Variants in SCEL observed in about 807,000 individuals in gnomAD.
SCEL encodes the protein sciellin.
SCEL carries 113 observed loss-of-function variants against 117.6 expected under a neutral mutation model. That is an observed-to-expected ratio of 0.96 (90% CI 0.83 to 1.12). The LOEUF (loss-of-function observed/expected upper bound fraction) is 1.12, where lower values mean the gene tolerates loss of function less well. Ranked by LOEUF, SCEL falls within the 50% of genes most tolerant of loss-of-function variation. The pLI is 0.00. For synonymous variants in SCEL, 270 were observed against 256.2 expected, an observed-to-expected ratio of 1.05 and a Z score of -0.51; for missense variants, 785 against 810.8, an observed-to-expected ratio of 0.97 and a Z score of 0.39.
intron 2 of SCEL, among the ~76,000 whole-genome samples, 193 bp from the exon 3 acceptor site, chr13:77,556,403 T>C (rs1014431755): frequency 6.6e-6 from 1 of 152,200 alleles, no homozygotes; most frequent in Admixed American, 6.5e-5. Flanking sequence ...AGCAACTTTA[T>C]GTGTTATCTT....
intron 27 of SCEL, among the ~76,000 whole-genome samples, chr13:77,626,663 T>TA (rs1176038517): frequency 6.6e-6 from 1 of 152,108 alleles, no homozygotes; most frequent in Non-Finnish European, 1.5e-5. Flanking sequence ...TATGAAGTCT[T>TA]ATGAAGAACG....
At chr13:77,594,083 C>T (rs995002028) in intron 12 of SCEL, among the ~76,000 whole-genome samples, 8 of 152,152 alleles carry the variant, frequency 5.3e-5, no homozygotes, top group Admixed American at 2.0e-4. Context: ...CATGTGTACA[C>T]GGATTTCCCC....
At chr13:77,591,193 T>C (rs2086846563) in intron 10 of SCEL, among the ~76,000 whole-genome samples, 1 of 152,178 alleles carries the variant, frequency 6.6e-6, no homozygotes, top group African/African-American at 2.4e-5. Flanking sequence ...TTTACAAATA[T>C]GCGATAAAGA....
At chr13:77,564,044 G>T in intron 5 of SCEL, 145 bp downstream of exon 5, 1 of 560,962 alleles carries the variant, frequency 1.8e-6, no homozygotes, top group South Asian at 3.6e-5. Context: ...TCTAAGAATT[G>T]AATTATCTTC....
chr13:77,619,809 T>A (rs111882900), intron 27 of SCEL, among the ~76,000 whole-genome samples: 1 of 152,206 alleles, frequency 6.6e-6, no homozygotes, highest in Non-Finnish European at 1.5e-5. Flanking sequence ...TCAATAACCA[T>A]GTTATGTAAT....
intron 27 of SCEL, among the ~76,000 whole-genome samples, chr13:77,625,237 T>C (rs1367157053): frequency 1.3e-5 from 2 of 152,182 alleles, no homozygotes; most frequent in Non-Finnish European, 2.9e-5. Flanking sequence ...AAATATTGAG[T>C]AAAGTATTAC....
chr13:77,537,849 A>G (rs1266180148), intron 1 of SCEL, among the ~76,000 whole-genome samples: 2 of 152,182 alleles, frequency 1.3e-5, no homozygotes, highest in Non-Finnish European at 1.5e-5. Flanking sequence ...TTAAGCAAAC[A>G]TTGTTTAACT....
chr13:77,625,594 T>C (rs2089690428), intron 27 of SCEL, among the ~76,000 whole-genome samples: 1 of 152,236 alleles, frequency 6.6e-6, no homozygotes, highest in Non-Finnish European at 1.5e-5. Flanking sequence ...CCCTAATTTC[T>C]ACAGTTTCAA....
At chr13:77,548,425 TG>T (rs1188875378) in intron 1 of SCEL, among the ~76,000 whole-genome samples, 2 of 152,336 alleles carry the variant, frequency 1.3e-5, no homozygotes, top group African/African-American at 4.8e-5. Context: ...GAGGGTCAGA[TG>T]GTTTTTGACA....
chr13:77,632,880 G>A (rs188284085), intron 28 of SCEL, among the ~76,000 whole-genome samples: 1 of 152,214 alleles, frequency 6.6e-6, no homozygotes, highest in Non-Finnish European at 1.5e-5. Flanking sequence ...ATGAAGACTG[G>A]AATTTCTCAA....
chr13:77,577,102 T>C (rs1018624185), intron 9 of SCEL, among the ~76,000 whole-genome samples: 5 of 152,164 alleles, frequency 3.3e-5, no homozygotes, highest in Admixed American at 6.5e-5. Flanking sequence ...TTTGACTTCC[T>C]CTCTTTCTAT....
At chr13:77,639,526 A>G (rs1037742753) in intron 30 of SCEL, among the ~76,000 whole-genome samples, 7 of 152,122 alleles carry the variant, frequency 4.6e-5, no homozygotes, top group Non-Finnish European at 1.0e-4. Flanking sequence ...CGACTAACTC[A>G]TTTCAACACA....
intron 1 of SCEL, among the ~76,000 whole-genome samples, chr13:77,551,668 C>T (rs954683688): frequency 6.6e-6 from 1 of 151,992 alleles, no homozygotes; most frequent in Non-Finnish European, 1.5e-5. Context: ...ACCCTAAGGG[C>T]CTCGTTTTTT....
chr13:77,575,798 A>T (rs1295137122), intron 9 of SCEL, among the ~76,000 whole-genome samples: 2 of 152,332 alleles, frequency 1.3e-5, no homozygotes, highest in East Asian at 3.9e-4. Flanking sequence ...TTCTCTTGCT[A>T]AGAATGGAAA....
chr13:77,542,719 A>G (rs900730980), intron 1 of SCEL, among the ~76,000 whole-genome samples: 1 of 152,204 alleles, frequency 6.6e-6, no homozygotes, highest in African/African-American at 2.4e-5. Context: ...CACTTCATGA[A>G]GTACTGTTTG....
chr13:77,595,301 C>T (rs1424897412), intron 12 of SCEL, among the ~76,000 whole-genome samples: 2 of 152,094 alleles, frequency 1.3e-5, no homozygotes, highest in Non-Finnish European at 2.9e-5. Context: ...TTGGACCATC[C>T]ACAGGGAGTA....
intron 22 of SCEL, among the ~76,000 whole-genome samples, chr13:77,611,557 A>G (rs769044009): frequency 1.3e-5 from 2 of 152,228 alleles, no homozygotes; most frequent in African/African-American, 2.4e-5. Context: ...CTTAGTTTCT[A>G]AAGGTGAAGA....
chr13:77,573,638 CATCTATCTATCTATCTATCT>C (rs10565753), intron 9 of SCEL, among the ~76,000 whole-genome samples: 15 of 149,752 alleles, frequency 1.0e-4, no homozygotes, highest in Admixed American at 4.0e-4. Flanking sequence ...TCTGTCATTA[CATCTATCTATCTATCTATCT>C]ATCTATCTAT....
intron 27 of SCEL, among the ~76,000 whole-genome samples, chr13:77,627,342 C>CA (rs1181667710): frequency 6.6e-6 from 1 of 152,136 alleles, no homozygotes; most frequent in Non-Finnish European, 1.5e-5. Flanking sequence ...CACAGTACTT[C>CA]ATGACACAAA....
Sources: allele counts gnomAD v4.1 joint callset (sites outside exome capture counted in the v4.1 genomes callset), GRCh38; gene constraint gnomAD v4.1.1; transcripts MANE v1.5; gene names NCBI Gene and HGNC (gene_info 2026-07-23, HGNC 2026-07-21).